PPFIBP1: variants seen among roughly 807,000 people sequenced by gnomAD.
PPFIBP1 encodes liprin-beta-1.
Under a neutral mutation model 137.8 loss-of-function variants are expected in PPFIBP1, and 112 were observed. That is an observed-to-expected ratio of 0.81 (90% CI 0.70 to 0.95). PPFIBP1 has a LOEUF of 0.95. PPFIBP1 is among the 40% of genes least tolerant of loss of function. The pLI, the probability that PPFIBP1 is intolerant of heterozygous loss-of-function variation, is 0.00. For missense variants in PPFIBP1, 1,083 were observed against 1,196.6 expected (o/e 0.91, Z 1.40); for synonymous variants, 378 against 417.3 (o/e 0.91, Z 1.15).
chr12:27,637,125 G>A (rs2139150271), intron 4 of PPFIBP1: 1 of 152,186 alleles, frequency 6.6e-6, no homozygotes, highest in East Asian at 1.9e-4. Flanking sequence ...ATTTTCTTAT[G>A]TGCAATGTGT....
chr12:27,679,032 A>G lies in PPFIBP1; in HGVS notation c.1616-457A>G, dbSNP rs368611936. On this transcript the variant is annotated intron_variant, in intron 19 of 29. Transcript: ENST00000228425. Reference sequence around the variant, plus strand: ...CAGAGATTCTGATCCTCTAGAGGGCATTTAGAATATAATCTTAAAGTGGCA... The same window carrying G: ...CAGAGATTCTGATCCTCTAGAGGGCGTTTAGAATATAATCTTAAAGTGGCA... Among the ~76,000 whole-genome samples, 33 of 152,208 alleles carry G rather than the reference A, an allele frequency of 2.2e-4. No homozygotes were observed. In the East Asian group the frequency reaches 5.8e-3, roughly 27 times the overall value.
intron 4 of PPFIBP1, among the ~76,000 whole-genome samples, chr12:27,641,070 G>C (rs1210304009): frequency 6.6e-6 from 1 of 152,266 alleles, no homozygotes; most frequent in East Asian, 1.9e-4. Context: ...TTAAAAATAA[G>C]TATAATGACT....
chr12:27,593,666 T>C, intron 2 of PPFIBP1: 1 of 543,970 alleles, frequency 1.8e-6, no homozygotes. Context: ...TGACAGATAG[T>C]TTTGTCCTCT....
At chr12:27,605,276 A>G (rs1351373796) in intron 2 of PPFIBP1, among the ~76,000 whole-genome samples, 1 of 152,228 alleles carries the variant, frequency 6.6e-6, no homozygotes, top group Admixed American at 6.5e-5. Context: ...ATTAGAAGCT[A>G]TAAGACAAAA....
At chr12:27,666,664 T>C (rs2059876756) in intron 12 of PPFIBP1, among the ~76,000 whole-genome samples, 1 of 152,234 alleles carries the variant, frequency 6.6e-6, no homozygotes, top group African/African-American at 2.4e-5. Flanking sequence ...AGGATCCTCT[T>C]GAGAGATCAA....
chr12:27,644,832 T>C (rs2058362049), intron 4 of PPFIBP1, among the ~76,000 whole-genome samples: 1 of 152,238 alleles, frequency 6.6e-6, no homozygotes, highest in South Asian at 2.1e-4. Flanking sequence ...CCTCTGATTC[T>C]TAGTGGCCTT....
intron 2 of PPFIBP1, among the ~76,000 whole-genome samples, chr12:27,631,502 G>T (rs2057265765): frequency 6.6e-6 from 1 of 152,176 alleles, no homozygotes; most frequent in African/African-American, 2.4e-5. Flanking sequence ...ACTAGTACAT[G>T]TAGGCTGCTA....
chr12:27,571,195 A>G (rs982034583), intron 1 of PPFIBP1, among the ~76,000 whole-genome samples: 21 of 152,170 alleles, frequency 1.4e-4, no homozygotes, highest in Admixed American at 1.2e-3. Flanking sequence ...TAATATTCTG[A>G]TGGATGTACC....
chr12:27,601,267 A>G (rs1349397655), intron 2 of PPFIBP1, among the ~76,000 whole-genome samples: 2 of 152,196 alleles, frequency 1.3e-5, no homozygotes, highest in Non-Finnish European at 2.9e-5. Context: ...TTTGCTTTAT[A>G]AGAATTATTG....
chr12:27,612,851 C>A (rs2055294534), intron 2 of PPFIBP1, among the ~76,000 whole-genome samples: 2 of 151,972 alleles, frequency 1.3e-5, no homozygotes, highest in Admixed American at 6.5e-5. Context: ...CAAGTATATT[C>A]CAAAATATAA....
chr12:27,540,430 A>G (rs534458127), intron 1 of PPFIBP1, among the ~76,000 whole-genome samples: 2 of 151,804 alleles, frequency 1.3e-5, no homozygotes, highest in East Asian at 3.9e-4. Context: ...CATCAGCATC[A>G]GTGATTCTTG....
At chr12:27,623,635 A>G (rs1212177250) in intron 2 of PPFIBP1, among the ~76,000 whole-genome samples, 5 of 152,064 alleles carry the variant, frequency 3.3e-5, no homozygotes, top group Admixed American at 6.6e-5. Context: ...TTGAGCCCAG[A>G]AGGTCAAGGC....
intron 2 of PPFIBP1, among the ~76,000 whole-genome samples, chr12:27,616,933 G>C (rs1405343855): frequency 6.6e-6 from 1 of 152,192 alleles, no homozygotes; most frequent in Non-Finnish European, 1.5e-5. Flanking sequence ...AACTAATGAT[G>C]GATAAAAGGA....
chr12:27,653,172 C>T (rs984443913), intron 7 of PPFIBP1, among the ~76,000 whole-genome samples: 4 of 152,150 alleles, frequency 2.6e-5, no homozygotes, highest in Admixed American at 2.6e-4. Flanking sequence ...AAAATAATTT[C>T]TATTTACAAA....
chr12:27,527,466 C>T (rs1943900413), intron 1 of PPFIBP1, among the ~76,000 whole-genome samples: 1 of 152,074 alleles, frequency 6.6e-6, no homozygotes, highest in Non-Finnish European at 1.5e-5. Flanking sequence ...TGGTCTTGAA[C>T]TCCTGGGCTC....
intron 1 of PPFIBP1, among the ~76,000 whole-genome samples, chr12:27,554,567 GA>G (rs964170314): frequency 5.3e-5 from 8 of 151,940 alleles, no homozygotes; most frequent in Non-Finnish European, 8.8e-5. Context: ...GAATATACTT[GA>G]AAAAAAATCA....
At chr12:27,637,077 C>T (rs540031344) in intron 4 of PPFIBP1, 73 of 152,348 alleles carry the variant, frequency 4.8e-4, no homozygotes, top group African/African-American at 1.6e-3. Context: ...TATTCCTTGT[C>T]TTACATCTCC....
At chr12:27,537,826 A>ATTCT (rs1945218914) in intron 1 of PPFIBP1, among the ~76,000 whole-genome samples, 1 of 152,014 alleles carries the variant, frequency 6.6e-6, no homozygotes, top group Non-Finnish European at 1.5e-5. Flanking sequence ...AGGCAGAGTG[A>ATTCT]TTCTTTGCTG....
intron 2 of PPFIBP1, among the ~76,000 whole-genome samples, chr12:27,582,457 G>A (rs1237089572): frequency 2.0e-5 from 3 of 152,156 alleles, no homozygotes; most frequent in East Asian, 1.9e-4. Flanking sequence ...TGACTCCGTC[G>A]TTTCAGTGAG....
Sources: gnomAD v4.1 joint callset for allele counts (sites outside exome capture counted in the v4.1 genomes callset) on GRCh38, gnomAD v4.1.1 for gene constraint, MANE v1.5 for transcripts, NCBI Gene and HGNC (gene_info 2026-07-23, HGNC 2026-07-21) for gene names.